KCNH1: variants seen among roughly 807,000 people sequenced by gnomAD.
The protein encoded by KCNH1 is voltage-gated delayed rectifier potassium channel KCNH1.
In KCNH1, 27 loss-of-function variants were observed where a neutral mutation model predicts 69.2. The ratio of observed to expected loss-of-function variants is 0.39; its 90% CI spans 0.29 to 0.54. The LOEUF (loss-of-function observed/expected upper bound fraction) is 0.54, where lower values mean the gene tolerates loss of function less well. Ranked by LOEUF, KCNH1 falls within the 20% of genes least tolerant of loss-of-function variation. The probability of loss-of-function intolerance (pLI) is 0.68; values close to 1 mark genes in which losing one functional copy is unlikely to be tolerated. For missense variants in KCNH1, 798 were observed against 1,261.6 expected, an observed-to-expected ratio of 0.63 and a Z score of 5.57; for synonymous variants, 456 against 487.7, an observed-to-expected ratio of 0.93 and a Z score of 0.86.
At chr1:210,759,584 G>A (rs557821313) in intron 10 of KCNH1, among the ~76,000 whole-genome samples, 1 of 151,908 alleles carries the variant, frequency 6.6e-6, no homozygotes, top group African/African-American at 2.4e-5. Flanking sequence ...CTCTAAGATA[G>A]GTCCTTTGAA....
At chr1:210,728,407 G>T (rs1194480487) in intron 10 of KCNH1, among the ~76,000 whole-genome samples, 1 of 152,194 alleles carries the variant, frequency 6.6e-6, no homozygotes, top group Non-Finnish European at 1.5e-5. Context: ...AGTAGGACAG[G>T]TGATAAAAAG....
At chr1:210,944,900 T>G (rs936285777) in intron 6 of KCNH1, among the ~76,000 whole-genome samples, 1 of 152,208 alleles carries the variant, frequency 6.6e-6, no homozygotes, top group African/African-American at 2.4e-5. Flanking sequence ...CTGCACCCAT[T>G]AAACACTAAT....
chr1:210,881,568 A>G (rs975558766), intron 7 of KCNH1, among the ~76,000 whole-genome samples: 18 of 152,212 alleles, frequency 1.2e-4, no homozygotes, highest in Non-Finnish European at 2.4e-4. Context: ...TTATGCCCAC[A>G]CAAAAACCTG....
At chr1:210,973,336 C>T (rs1688547585) in intron 6 of KCNH1, among the ~76,000 whole-genome samples, 1 of 152,122 alleles carries the variant, frequency 6.6e-6, no homozygotes. Flanking sequence ...TCTATACTAT[C>T]TTTCGGTTAA....
Position 210,901,514 on chromosome 1 carries a change from C to G in KCNH1, c.1462+18126G>C, listed in dbSNP as rs143483474. Among the ~76,000 whole-genome samples the G allele has an allele frequency of 1.1e-4, 16 of 152,278 alleles. No homozygotes were observed. In the East Asian group the frequency reaches 3.1e-3, roughly 29 times the overall value. On this transcript the variant is annotated intron_variant, in intron 7 of 10. Coordinates refer to ENST00000271751, the MANE Select transcript of KCNH1 (RefSeq NM_172362.3). ...AGTGGAGAGTCAAAATCAGGAGGCT[C>G]TGCACTGTTCCCATGAGGAGTGATG...
At chr1:210,946,890 C>T (rs1415672924) in intron 6 of KCNH1, among the ~76,000 whole-genome samples, 1 of 152,204 alleles carries the variant, frequency 6.6e-6, no homozygotes, top group Non-Finnish European at 1.5e-5. Flanking sequence ...ACTTATCCTT[C>T]ATTTTAGAAC....
chr1:211,090,746 T>C (rs1691037456), intron 3 of KCNH1, 56 bp from the exon 4 acceptor site: 3 of 1,515,084 alleles, frequency 2.0e-6, no homozygotes, highest in Non-Finnish European at 2.7e-6. Flanking sequence ...TGAGGGGCTA[T>C]GGAAGCAAAG....
chr1:211,102,755 T>C (rs187186205), intron 3 of KCNH1, among the ~76,000 whole-genome samples: 5 of 152,152 alleles, frequency 3.3e-5, no homozygotes, highest in South Asian at 2.1e-4. Context: ...CACCCCGGAG[T>C]TGTTCAATTG....
chr1:210,705,047 G>A (rs915117524), intron 10 of KCNH1, among the ~76,000 whole-genome samples: 8 of 152,138 alleles, frequency 5.3e-5, no homozygotes, highest in African/African-American at 1.9e-4. Context: ...GGAGAGGAAG[G>A]TAGGGAGGTG....
intron 6 of KCNH1, among the ~76,000 whole-genome samples, chr1:210,941,718 A>G (rs2102588666): frequency 6.6e-6 from 1 of 152,258 alleles, no homozygotes; most frequent in South Asian, 2.1e-4. Context: ...TGGCCCCATG[A>G]TGTCTCTCAG....
intron 10 of KCNH1, among the ~76,000 whole-genome samples, chr1:210,706,261 T>C (rs1202062606): frequency 2.0e-5 from 3 of 152,184 alleles, no homozygotes; most frequent in Non-Finnish European, 4.4e-5. Flanking sequence ...ACACCAGCTC[T>C]TGCAGGGGTG....
intron 6 of KCNH1, among the ~76,000 whole-genome samples, chr1:210,956,363 CTT>C (rs1366307802): frequency 3.3e-5 from 5 of 151,958 alleles, no homozygotes; most frequent in African/African-American, 1.2e-4. Flanking sequence ...CTAAAATTCT[CTT>C]TTTTTGTTGT....
chr1:210,917,826 A>G (rs1353365809), intron 7 of KCNH1, among the ~76,000 whole-genome samples: 1 of 152,210 alleles, frequency 6.6e-6, no homozygotes, highest in Non-Finnish European at 1.5e-5. Context: ...CGTGCAGTTA[A>G]GGCTGAAACA....
At position 210,933,257 on chromosome 1, in the gene KCNH1, G is replaced by A. The variant is rs372025349; in HGVS notation, c.1033-13188C>T. Among the ~76,000 whole-genome samples, 101 of 151,746 alleles carry A rather than the reference G, an allele frequency of 6.7e-4. 2 individuals carry two copies. In the East Asian group the frequency reaches 0.015, roughly 23 times the overall value. On this transcript the variant is annotated intron_variant, in intron 6 of 10. Transcript: ENST00000271751. ...AAATCATCATTCTCAGTAAACTATC[G>A]CAAGAACAAAAAACCAAACACCACA...
intron 6 of KCNH1, among the ~76,000 whole-genome samples, chr1:210,976,964 C>A (rs1033289727): frequency 6.6e-6 from 1 of 151,048 alleles, no homozygotes; most frequent in African/African-American, 2.4e-5. Flanking sequence ...GGGTATATAC[C>A]CAAAGGATTA....
At chr1:210,783,907 A>G (rs746651462) in intron 9 of KCNH1, among the ~76,000 whole-genome samples, 3 of 152,214 alleles carry the variant, frequency 2.0e-5, no homozygotes, top group Non-Finnish European at 4.4e-5. Context: ...ATAGAGGTAT[A>G]TACAAAGGTG....
intron 7 of KCNH1, among the ~76,000 whole-genome samples, chr1:210,816,453 A>G (rs534703663): frequency 6.6e-6 from 1 of 152,360 alleles, no homozygotes; most frequent in African/African-American, 2.4e-5. Context: ...AAAGCACAGC[A>G]ATTTCCATAG....
At chr1:210,765,828 G>A (rs61829491) in intron 10 of KCNH1, among the ~76,000 whole-genome samples, 4 of 152,070 alleles carry the variant, frequency 2.6e-5, no homozygotes, top group East Asian at 3.9e-4. Context: ...TTGGGAGGCC[G>A]AAGCAGGCAG....
intron 1 of KCNH1, among the ~76,000 whole-genome samples, chr1:211,120,634 G>A (rs1217438138): frequency 6.6e-6 from 1 of 152,048 alleles, no homozygotes; most frequent in Non-Finnish European, 1.5e-5. Flanking sequence ...CAAAAAAAGT[G>A]ACTCAAAATA....
Sources: gnomAD v4.1 joint callset for allele counts (sites outside exome capture counted in the v4.1 genomes callset) on GRCh38, gnomAD v4.1.1 for gene constraint, MANE v1.5 for transcripts, NCBI Gene and HGNC (gene_info 2026-07-23, HGNC 2026-07-21) for gene names.